SLC39A11: variants seen among roughly 807,000 people sequenced by gnomAD.
SLC39A11 encodes the protein zinc transporter ZIP11.
In SLC39A11, 33 loss-of-function variants were observed where a neutral mutation model predicts 36.1. The observed-to-expected ratio is 0.91, with a 90% CI of 0.69 to 1.22. The LOEUF (loss-of-function observed/expected upper bound fraction) is 1.22. SLC39A11 is among the 50% of genes most tolerant of loss of function. The pLI is 0.00. For missense variants in SLC39A11, 432 were observed against 430.3 expected, an observed-to-expected ratio of 1.00 and a Z score of -0.03; for synonymous variants, 166 against 170.3, an observed-to-expected ratio of 0.97 and a Z score of 0.20.
At chr17:72,914,847 G>A (rs58730265) in intron 5 of SLC39A11, among the ~76,000 whole-genome samples, 36,121 of 151,428 alleles carry the variant, frequency 0.24, 4,649 homozygotes, top group Non-Finnish European at 0.28. Flanking sequence ...CAGCCTGGGC[G>A]ACAGAGCCAG....
intron 5 of SLC39A11, among the ~76,000 whole-genome samples, chr17:72,860,301 C>T (rs919182419): frequency 6.6e-6 from 1 of 152,184 alleles, no homozygotes; most frequent in Non-Finnish European, 1.5e-5. Flanking sequence ...CCATTTCCCT[C>T]ACCAGGAGTA....
At chr17:72,723,519 G>A (rs1457466378) in intron 7 of SLC39A11, among the ~76,000 whole-genome samples, 1 of 152,166 alleles carries the variant, frequency 6.6e-6, no homozygotes, top group Admixed American at 6.5e-5. Flanking sequence ...CCTACATGTG[G>A]ATTGTCTGTG....
chr17:72,674,986 ATG>A (rs10684358), intron 7 of SLC39A11, among the ~76,000 whole-genome samples: 4 of 150,422 alleles, frequency 2.7e-5, no homozygotes, highest in South Asian at 2.1e-4. Context: ...GTGTGTGCGT[ATG>A]TGTGTGTGTG....
intron 5 of SLC39A11, among the ~76,000 whole-genome samples, chr17:72,876,072 C>G (rs774788605): frequency 2.6e-5 from 4 of 152,186 alleles, no homozygotes; most frequent in Admixed American, 6.5e-5. Flanking sequence ...AGCTGCTACT[C>G]TTGTCACACT....
intron 7 of SLC39A11, among the ~76,000 whole-genome samples, chr17:72,715,450 T>C (rs1598425499): frequency 6.6e-6 from 1 of 152,322 alleles, no homozygotes; most frequent in African/African-American, 2.4e-5. Context: ...CCGTGCAACC[T>C]AATATTGTTC....
chr17:72,793,844 G>C (rs1208082728), intron 6 of SLC39A11, among the ~76,000 whole-genome samples: 10 of 152,198 alleles, frequency 6.6e-5, no homozygotes, highest in African/African-American at 2.4e-4. Flanking sequence ...ATTAAGGCTA[G>C]GGGAGTGTAC....
intron 6 of SLC39A11, among the ~76,000 whole-genome samples, chr17:72,799,471 A>C (rs1353895146): frequency 6.6e-6 from 1 of 152,196 alleles, no homozygotes; most frequent in Non-Finnish European, 1.5e-5. Flanking sequence ...TTCTTCTTGC[A>C]GAGAGCCTAT....
At chr17:72,983,314 T>A (rs2088474764) in intron 4 of SLC39A11, among the ~76,000 whole-genome samples, 1 of 152,118 alleles carries the variant, frequency 6.6e-6, no homozygotes, top group Non-Finnish European at 1.5e-5. Context: ...CACAACCAGC[T>A]AATTTTGTAT....
chr17:72,834,218 G>A (rs1295408432), intron 6 of SLC39A11, among the ~76,000 whole-genome samples: 1 of 152,180 alleles, frequency 6.6e-6, no homozygotes, highest in Non-Finnish European at 1.5e-5. Flanking sequence ...TTGATGTGTG[G>A]CTAAGTCATG....
At chr17:72,695,315 C>G (rs1190436201) in intron 7 of SLC39A11, among the ~76,000 whole-genome samples, 2 of 152,196 alleles carry the variant, frequency 1.3e-5, no homozygotes, top group East Asian at 3.9e-4. Flanking sequence ...GTATCCACAG[C>G]CTGACATGTC....
intron 7 of SLC39A11, among the ~76,000 whole-genome samples, chr17:72,691,249 C>T (rs749321937): frequency 1.1e-4 from 17 of 152,190 alleles, no homozygotes; most frequent in Non-Finnish European, 1.8e-4. Flanking sequence ...TAATCTTGAG[C>T]TCAATCCTGG....
intron 4 of SLC39A11, among the ~76,000 whole-genome samples, chr17:73,018,893 G>A (rs2058253860): frequency 6.6e-6 from 1 of 151,650 alleles, no homozygotes; most frequent in South Asian, 2.1e-4. Context: ...CCACACAAAG[G>A]CATAACAGAG....
chr17:72,794,157 A>G (rs2076811950), intron 6 of SLC39A11, among the ~76,000 whole-genome samples: 1 of 152,168 alleles, frequency 6.6e-6, no homozygotes, highest in Admixed American at 6.5e-5. Context: ...GCCTGGGAAC[A>G]GTCACTGTAC....
chr17:72,718,427 A>G (rs1164766475), intron 7 of SLC39A11, among the ~76,000 whole-genome samples: 3 of 152,210 alleles, frequency 2.0e-5, no homozygotes, highest in Non-Finnish European at 2.9e-5. Flanking sequence ...CAACAGAGCA[A>G]GACTCCATCT....
chr17:73,014,571 C>T (rs911515759), intron 4 of SLC39A11, among the ~76,000 whole-genome samples: 15 of 150,110 alleles, frequency 1.0e-4, no homozygotes, highest in African/African-American at 3.8e-4. Flanking sequence ...GCAAGAGGAT[C>T]GCGTGAGCCT....
chr17:72,891,311 C>T (rs1301814072), intron 5 of SLC39A11, among the ~76,000 whole-genome samples: 1 of 152,160 alleles, frequency 6.6e-6, no homozygotes, highest in Non-Finnish European at 1.5e-5. Context: ...ATCCCAGCTC[C>T]TCAGGAGGCT....
intron 3 of SLC39A11, among the ~76,000 whole-genome samples, chr17:73,052,226 G>A (rs1039706400): frequency 9.2e-5 from 14 of 151,812 alleles, no homozygotes; most frequent in Admixed American, 7.9e-4. Flanking sequence ...AGAATCCAGG[G>A]GGACAACATT....
intron 7 of SLC39A11, among the ~76,000 whole-genome samples, chr17:72,679,191 C>T (rs2071403324): frequency 6.6e-6 from 1 of 152,122 alleles, no homozygotes; most frequent in Admixed American, 6.6e-5. Context: ...GGAAGGATCA[C>T]ATTCTAGTAT....
At chr17:72,916,444 G>A (rs898099173) in intron 5 of SLC39A11, among the ~76,000 whole-genome samples, 8 of 152,184 alleles carry the variant, frequency 5.3e-5, no homozygotes, top group South Asian at 2.1e-4. Context: ...TCCATTGCAC[G>A]CGGTCCCTTC....
Sources: gnomAD v4.1 joint callset for allele counts (sites outside exome capture counted in the v4.1 genomes callset) on GRCh38, gnomAD v4.1.1 for gene constraint, MANE v1.5 for transcripts, NCBI Gene and HGNC (gene_info 2026-07-23, HGNC 2026-07-21) for gene names.